CACNB4: variants seen among roughly 807,000 people sequenced by gnomAD.
CACNB4 encodes the protein calcium voltage-gated channel auxiliary subunit beta 4, also known as voltage-dependent L-type calcium channel subunit beta-4.
In CACNB4, 32 loss-of-function variants were observed where a neutral mutation model predicts 71.2. The observed-to-expected ratio is 0.45, with a 90% CI of 0.34 to 0.60. The LOEUF is 0.60. Among genes scored for constraint, CACNB4 ranks in the 20% least tolerant of loss-of-function variants. The probability of loss-of-function intolerance (pLI) is 0.01; values close to 1 mark genes in which losing one functional copy is unlikely to be tolerated. For synonymous variants in CACNB4, 231 were observed against 236.9 expected (o/e 0.97, Z 0.23); for missense variants, 464 against 647.9 (o/e 0.72, Z 3.08).
intron 12 of CACNB4, among the ~76,000 whole-genome samples, chr2:151,848,348 A>G (rs1370478337): frequency 2.0e-5 from 3 of 152,212 alleles, no homozygotes; most frequent in Admixed American, 6.5e-5. Flanking sequence ...TTTCAAAAGC[A>G]ATGTTAGGAA....
chr2:151,980,692 T>C (rs1454867848), intron 2 of CACNB4, among the ~76,000 whole-genome samples: 1 of 152,188 alleles, frequency 6.6e-6, no homozygotes, highest in Non-Finnish European at 1.5e-5. Context: ...GAAATATGGG[T>C]ATTTTTTAGA....
intron 2 of CACNB4, among the ~76,000 whole-genome samples, chr2:152,088,396 T>C (rs1301786677): frequency 3.0e-4 from 46 of 152,204 alleles, no homozygotes; most frequent in Non-Finnish European, 2.9e-5. Context: ...TCAATGAAAC[T>C]GCTAAAAAAA....
intron 9 of CACNB4, among the ~76,000 whole-genome samples, chr2:151,862,253 G>T (rs80284804): frequency 2.2e-3 from 332 of 152,320 alleles, no homozygotes; most frequent in South Asian, 8.5e-3. Flanking sequence ...AGCTATGTCA[G>T]GAGACTGTAC....
At chr2:151,858,119 C>G (rs1197034424) in intron 10 of CACNB4, 1 of 152,138 alleles carries the variant, frequency 6.6e-6, no homozygotes, top group African/African-American at 2.4e-5. Context: ...ATCTTGGCTA[C>G]CTGGACTGAT....
intron 9 of CACNB4, chr2:151,868,092 A>C (rs2099843649): frequency 6.6e-6 from 1 of 152,230 alleles, no homozygotes; most frequent in Admixed American, 6.5e-5. Flanking sequence ...TTATCCAGAA[A>C]GCTTTTATTT....
chr2:152,074,013 G>C (rs1470066244), intron 2 of CACNB4, among the ~76,000 whole-genome samples: 1 of 152,156 alleles, frequency 6.6e-6, no homozygotes, highest in Non-Finnish European at 1.5e-5. Flanking sequence ...AGAATCAGCT[G>C]AAGAGTCCTA....
At chr2:151,952,687 C>T (rs1373738634) in intron 2 of CACNB4, among the ~76,000 whole-genome samples, 1 of 152,114 alleles carries the variant, frequency 6.6e-6, no homozygotes, top group African/African-American at 2.4e-5. Context: ...GAAACAGGAG[C>T]GAATGCACCA....
At chr2:151,953,844 G>T (rs562437573) in intron 2 of CACNB4, among the ~76,000 whole-genome samples, 1 of 152,332 alleles carries the variant, frequency 6.6e-6, no homozygotes, top group East Asian at 1.9e-4. Context: ...GCTCAGAAAA[G>T]AATGCATCTG....
intron 13 of CACNB4, 59 bp downstream of exon 13, chr2:151,841,844 G>C: frequency 6.8e-7 from 1 of 1,461,308 alleles, no homozygotes; most frequent in Non-Finnish European, 9.6e-7. Flanking sequence ...TCCTAATCAA[G>C]TTCCCATAGA....
chr2:151,974,024 T>C (rs2151738123), intron 2 of CACNB4: 1 of 1,100,750 alleles, frequency 9.1e-7, no homozygotes, highest in Non-Finnish European at 1.1e-6. Flanking sequence ...CCTGCTTCAG[T>C]CAGCTGAAGA....
chr2:151,870,793 G>A (rs533301024), intron 7 of CACNB4, 49 bp downstream of exon 7: 3 of 1,480,062 alleles, frequency 2.0e-6, no homozygotes, highest in Non-Finnish European at 2.8e-6. Flanking sequence ...TTGCAGGCAT[G>A]TATATATAGG....
At chr2:151,845,053 T>C (rs1347209714) in intron 12 of CACNB4, among the ~76,000 whole-genome samples, 3 of 152,252 alleles carry the variant, frequency 2.0e-5, no homozygotes, top group Non-Finnish European at 2.9e-5. Flanking sequence ...AAGCAGCACC[T>C]ATGGCAGAAT....
chr2:152,052,980 TA>T (rs879323429), intron 2 of CACNB4, among the ~76,000 whole-genome samples: 43 of 147,418 alleles, frequency 2.9e-4, no homozygotes, highest in Non-Finnish European at 2.4e-4. Flanking sequence ...AGACTCTGTC[TA>T]AAAAAAAAAG....
At chr2:151,959,285 G>A (rs2099869063) in intron 2 of CACNB4, among the ~76,000 whole-genome samples, 1 of 152,184 alleles carries the variant, frequency 6.6e-6, no homozygotes, top group Admixed American at 6.5e-5. Flanking sequence ...GTGAGGCTTT[G>A]GGTTCACAGT....
chr2:151,992,059 C>T (rs1453083105), intron 2 of CACNB4, among the ~76,000 whole-genome samples: 1 of 152,194 alleles, frequency 6.6e-6, no homozygotes, highest in Non-Finnish European at 1.5e-5. Flanking sequence ...AGCTAGAGTA[C>T]TTAATCCTCG....
In CACNB4 at chr2:152,042,293, G is replaced by C. The variant is rs183599129; in HGVS notation, c.147+56037C>G. The stretch of plus-strand genomic sequence containing the variant: ...CCTCTTCCCGCATAACCCTAGGAAC[G>C]CTTTCCAATTCCATTTCCTTTCATC... On this transcript the variant is annotated intron_variant, in intron 2 of 13. Coordinates refer to ENST00000539935, the MANE Select transcript of CACNB4 (RefSeq NM_000726.5). 5.7e-4 allele frequency among the ~76,000 whole-genome samples: 87 copies of C among 152,298 alleles called. 1 individual carries two copies. Among genetic ancestry groups the C allele is most frequent in the African/African-American group, 1.9e-3 (79 of 41,568 alleles).
At chr2:152,023,479 G>T (rs767940343) in intron 2 of CACNB4, among the ~76,000 whole-genome samples, 2 of 152,024 alleles carry the variant, frequency 1.3e-5, no homozygotes, top group Admixed American at 1.3e-4. Flanking sequence ...TTGTCCCCCC[G>T]GCTGGAATGC....
chr2:151,844,825 C>A (rs757981372), intron 12 of CACNB4, among the ~76,000 whole-genome samples: 29 of 152,210 alleles, frequency 1.9e-4, no homozygotes, highest in Non-Finnish European at 4.0e-4. Context: ...GCAAGTTCTA[C>A]ATTTTATGTG....
intron 2 of CACNB4, among the ~76,000 whole-genome samples, chr2:152,013,014 T>C (rs1354588072): frequency 6.6e-6 from 1 of 152,232 alleles, no homozygotes; most frequent in African/African-American, 2.4e-5. Flanking sequence ...CTTTTCTATG[T>C]GTAGATACAT....
Sources: allele counts gnomAD v4.1 joint callset (sites outside exome capture counted in the v4.1 genomes callset), GRCh38; gene constraint gnomAD v4.1.1; transcripts MANE v1.5; gene names NCBI Gene and HGNC (gene_info 2026-07-23, HGNC 2026-07-21).